TADA2A: variants seen among roughly 807,000 people sequenced by gnomAD.
The protein encoded by TADA2A is transcriptional adapter 2-alpha.
Under a neutral mutation model 67.4 loss-of-function variants are expected in TADA2A, and 38 were observed. That is an observed-to-expected ratio of 0.56 (90% CI 0.44 to 0.74). The LOEUF is 0.74. TADA2A is among the 30% of genes least tolerant of loss of function. The pLI is 0.00. For synonymous variants in TADA2A, 192 were observed against 181.6 expected (o/e 1.06, Z -0.46); for missense variants, 454 against 547.0 (o/e 0.83, Z 1.70).
chr17:37,418,960 A>G (rs1330583830), intron 2 of TADA2A, among the ~76,000 whole-genome samples: 1 of 145,400 alleles, frequency 6.9e-6, no homozygotes, highest in African/African-American at 2.5e-5. Flanking sequence ...TGACTTCCTA[A>G]GCTGAAGCGA....
At chr17:37,458,638 TGTGTG>T (rs1568174232) in intron 9 of TADA2A, 51 bp downstream of exon 9, 14 of 199,306 alleles carry the variant, frequency 7.0e-5, no homozygotes, top group Middle Eastern at 1.5e-3. Flanking sequence ...ATTATTGTTT[TGTGTG>T]TGTGTGTGTG....
chr17:37,447,117 T>A (rs1376823669), intron 8 of TADA2A, among the ~76,000 whole-genome samples: 1 of 152,224 alleles, frequency 6.6e-6, no homozygotes, highest in Non-Finnish European at 1.5e-5. Context: ...AATAATTCTT[T>A]CCCTCTGCCC....
chr17:37,442,444 C>T (rs2052948245), intron 6 of TADA2A, 120 bp from the exon 7 acceptor site: 2 of 764,988 alleles, frequency 2.6e-6, no homozygotes, highest in South Asian at 5.3e-5. Flanking sequence ...AATACTTTAT[C>T]TTTTTCACAT....
intron 4 of TADA2A, among the ~76,000 whole-genome samples, chr17:37,431,758 G>A (rs1386544685): frequency 2.0e-5 from 3 of 151,842 alleles, no homozygotes; most frequent in African/African-American, 4.8e-5. Flanking sequence ...TAGAGACAGG[G>A]TTTCACCATG....
At chr17:37,424,417 A>C (rs953744606) in intron 3 of TADA2A, among the ~76,000 whole-genome samples, 2 of 151,466 alleles carry the variant, frequency 1.3e-5, no homozygotes, top group African/African-American at 4.8e-5. Flanking sequence ...GTAGTGGCAC[A>C]ATCTTGGCTC....
chr17:37,420,155 T>C (rs2052187239), intron 2 of TADA2A, among the ~76,000 whole-genome samples: 1 of 146,470 alleles, frequency 6.8e-6, no homozygotes, highest in Non-Finnish European at 1.5e-5. Flanking sequence ...TCACTTAATA[T>C]ACAATAATTT....
At chr17:37,418,630 C>T (rs937290396) in intron 2 of TADA2A, among the ~76,000 whole-genome samples, 1 of 150,468 alleles carries the variant, frequency 6.6e-6, no homozygotes, top group Non-Finnish European at 1.5e-5. Context: ...TCGCTGTTGT[C>T]ACCCAGGCTG....
chr17:37,433,736 T>C (rs1023057674), intron 4 of TADA2A, among the ~76,000 whole-genome samples: 10 of 152,042 alleles, frequency 6.6e-5, no homozygotes, highest in Non-Finnish European at 1.5e-4. Context: ...GCGGATTACT[T>C]GAGGTCGGGA....
At chr17:37,473,357 GTT>G (rs1209865021) in intron 14 of TADA2A, among the ~76,000 whole-genome samples, 1 of 151,864 alleles carries the variant, frequency 6.6e-6, no homozygotes, top group African/African-American at 2.4e-5. Flanking sequence ...TCTCCTTTAT[GTT>G]CTGAGTTCTT....
At position 37,437,767 on chromosome 17, in the gene TADA2A, C is replaced by A; in HGVS notation, c.222C>A (p.Ser74Arg). The change falls in exon 5 of 16, where the codon AGC becomes AGA. Residue 74 changes from serine to arginine, a missense_variant. Ser to Arg is a moderately radical substitution (Grantham distance 110, BLOSUM62 -1). Around this residue, in one of 2 missense-constraint regions of TADA2A, gnomAD observed 403 missense variants for 455.5 expected, o/e 0.88. Coordinates refer to ENST00000615182, the MANE Select transcript of TADA2A (RefSeq NM_001166105.3). ...CAGATTTTCCTGTCCTTGATCCCAG[C>A]TGGACTGCTCAAGAAGAAATGGCCC... Reference protein sequence around the residue: ...MTSDFPVLDPSWTAQEEMALL... With the variant: ...MTSDFPVLDPRWTAQEEMALL... 1 of 1,614,164 alleles carries A rather than the reference C, an allele frequency of 6.2e-7. No homozygotes were observed. Among genetic ancestry groups the A allele is most frequent in the African/African-American group, 1.3e-5 (1 of 75,048 alleles).
rs1211819224 is a variant in TADA2A at position 37,479,466 on chromosome 17, T to C, written c.*2484T>C. 2.0e-5 allele frequency: 3 copies of C among 152,224 alleles called. No individual in the cohort carries two copies. Among genetic ancestry groups the C allele is most frequent in the Non-Finnish European group, 4.4e-5 (3 of 68,040 alleles). 9.4% of individuals were successfully genotyped at this position (152,224 alleles called of 1,614,324 possible). A position where few individuals can be genotyped will look rare whatever the true frequency, so the allele number is the denominator to read the frequency against. ...TTTGAAAGTAGGATTATTATTTCTTTGGTATACCGAACTTTGCAAAGATAC... is the reference window on the plus strand; with the variant it reads ...TTTGAAAGTAGGATTATTATTTCTTCGGTATACCGAACTTTGCAAAGATAC... On this transcript the variant is annotated 3_prime_UTR_variant, in exon 16 of 16. Coordinates refer to ENST00000615182, the MANE Select transcript of TADA2A (RefSeq NM_001166105.3).
chr17:37,457,176 C>CTTTTTTTT (rs34125875), intron 8 of TADA2A, among the ~76,000 whole-genome samples: 60 of 105,964 alleles, frequency 5.7e-4, no homozygotes, highest in Non-Finnish European at 7.9e-4. Flanking sequence ...AATCATTATT[C>CTTTTTTTT]TTTTTTTTTT....
At position 37,437,791 on chromosome 17, in the gene TADA2A, C is replaced by G; in HGVS notation, c.246C>G (p.Ala82=). 6.2e-7 allele frequency: 1 copy of G among 1,614,140 alleles called. No homozygotes were observed. Among genetic ancestry groups the G allele is most frequent in the Non-Finnish European group, 8.5e-7 (1 of 1,180,026 alleles). Residue 82 remains alanine, a synonymous_variant, in exon 5 of 16, where the codon GCC becomes GCG. Transcript: ENST00000615182. The part of the protein sequence containing the change: ...DPSWTAQEEM[A]LLEAVMDCGF... ...GCTGGACTGCTCAAGAAGAAATGGC[C>G]CTTTTAGAAGCTGTGATGGACTGTG...
In TADA2A at chr17:37,471,148, C is replaced by A. The variant is rs753598957; in HGVS notation, c.1072+11C>A. 6.2e-7 allele frequency: 1 copy of A among 1,613,692 alleles called. No individual in the cohort carries two copies. Among genetic ancestry groups the A allele is most frequent in the Non-Finnish European group, 8.5e-7 (1 of 1,179,744 alleles). On this transcript the variant is annotated intron_variant, in intron 14 of 15. Coordinates refer to ENST00000615182, the MANE Select transcript of TADA2A (RefSeq NM_001166105.3). ...TGGCTTCGAATTCAGGTAATTATTT[C>A]TCAGGCCAGAACAAGTCTTAATTGT...
chr17:37,433,786 C>T (rs1284865941), intron 4 of TADA2A, among the ~76,000 whole-genome samples: 1 of 152,072 alleles, frequency 6.6e-6, no homozygotes, highest in Non-Finnish European at 1.5e-5. Context: ...AACCCTATCT[C>T]TACTAAAAAT....
At chr17:37,432,893 T>C (rs1443036266) in intron 4 of TADA2A, among the ~76,000 whole-genome samples, 1 of 151,528 alleles carries the variant, frequency 6.6e-6, no homozygotes, top group Non-Finnish European at 1.5e-5. Context: ...TTAGCTATTT[T>C]AGTCAGTGCA....
At chr17:37,426,876 C>A in intron 3 of TADA2A, 74 bp from the exon 4 acceptor site, 2 of 1,419,948 alleles carry the variant, frequency 1.4e-6, no homozygotes, top group Non-Finnish European at 9.5e-7. Context: ...CCAAACTTGT[C>A]AGAAGAATAA....
At chr17:37,433,400 G>A (rs1029775428) in intron 4 of TADA2A, among the ~76,000 whole-genome samples, 1 of 152,170 alleles carries the variant, frequency 6.6e-6, no homozygotes, top group Non-Finnish European at 1.5e-5. Flanking sequence ...GCTCCTTCCT[G>A]TAATCCCAGC....
At chr17:37,465,737 C>A (rs759554755) in intron 11 of TADA2A, 196 bp downstream of exon 11, 1 of 801,120 alleles carries the variant, frequency 1.2e-6, no homozygotes, top group Non-Finnish European at 1.9e-6. Flanking sequence ...AATGACTTCC[C>A]CCATTGCCCC....
Sources: allele counts gnomAD v4.1 joint callset (sites outside exome capture counted in the v4.1 genomes callset), GRCh38; gene constraint gnomAD v4.1.1; regional missense constraint gnomAD v4.1.1; transcripts MANE v1.5; gene names NCBI Gene and HGNC (gene_info 2026-07-23, HGNC 2026-07-21).